MIGA1: variants seen among roughly 807,000 people sequenced by gnomAD.
MIGA1 encodes family with sequence similarity 73, member A.
A neutral mutation model predicts 82.0 loss-of-function variants in MIGA1; 58 were observed. The ratio of observed to expected loss-of-function variants is 0.71; its 90% CI spans 0.57 to 0.88. The LOEUF (loss-of-function observed/expected upper bound fraction) is 0.88, where lower values mean the gene tolerates loss of function less well. Among genes scored for constraint, MIGA1 ranks in the 40% least tolerant of loss-of-function variants. The pLI is 0.00. For missense variants in MIGA1, 751 were observed against 749.1 expected, an observed-to-expected ratio of 1.00 and a Z score of -0.03; for synonymous variants, 249 against 253.6, an observed-to-expected ratio of 0.98 and a Z score of 0.17.
At chr1:77,845,947 CT>C (rs374614188) in intron 8 of MIGA1, among the ~76,000 whole-genome samples, 885 of 128,428 alleles carry the variant, frequency 6.9e-3, no homozygotes, top group Middle Eastern at 9.1e-3. Context: ...GGATGAAAAG[CT>C]TTTTTTTTTT....
intron 9 of MIGA1, 125 bp from the exon 10 acceptor site, chr1:77,859,189 C>A: frequency 1.0e-6 from 1 of 980,782 alleles, no homozygotes. Context: ...TTTACATGTT[C>A]TGTCAGTATT....
At chr1:77,805,290 C>G (rs528497906) in intron 4 of MIGA1, among the ~76,000 whole-genome samples, 151 of 151,084 alleles carry the variant, frequency 1.0e-3, no homozygotes, top group Admixed American at 9.9e-3. Context: ...CCACCACACC[C>G]GGTCCCTTGC....
At chr1:77,821,420 C>T (rs1341750867) in intron 7 of MIGA1, among the ~76,000 whole-genome samples, 72 of 131,238 alleles carry the variant, frequency 5.5e-4, no homozygotes, top group African/African-American at 1.9e-3. Flanking sequence ...GATGGAATTT[C>T]GCTCTTGTTG....
intron 1 of MIGA1, chr1:77,780,136 C>G: frequency 2.0e-6 from 2 of 994,824 alleles, no homozygotes; most frequent in Non-Finnish European, 2.4e-6. Flanking sequence ...AAAAGGAAGA[C>G]AGCAGAGGAG....
intron 5 of MIGA1, among the ~76,000 whole-genome samples, chr1:77,812,207 G>A (rs372912567): frequency 6.6e-6 from 1 of 152,184 alleles, no homozygotes; most frequent in African/African-American, 2.4e-5. Context: ...GGTGGCTCAC[G>A]CCTGTAATCC....
intron 6 of MIGA1, among the ~76,000 whole-genome samples, chr1:77,814,781 T>C (rs114964684): frequency 4.1e-3 from 625 of 152,220 alleles, no homozygotes; most frequent in Non-Finnish European, 7.0e-3. Context: ...AGGACTGGGG[T>C]GGATCCTAAG....
intron 7 of MIGA1, among the ~76,000 whole-genome samples, chr1:77,815,557 C>T (rs1435615753): frequency 1.3e-5 from 2 of 152,024 alleles, no homozygotes; most frequent in Non-Finnish European, 2.9e-5. Flanking sequence ...CTCAGCACTT[C>T]AGAAATATGC....
intron 7 of MIGA1, among the ~76,000 whole-genome samples, chr1:77,829,463 C>G (rs1279917324): frequency 6.6e-6 from 1 of 151,944 alleles, no homozygotes; most frequent in Non-Finnish European, 1.5e-5. Flanking sequence ...AAAAAATCTT[C>G]TAGAAGTTTT....
intron 14 of MIGA1, among the ~76,000 whole-genome samples, chr1:77,870,802 C>T (rs1685946414): frequency 6.6e-6 from 1 of 151,048 alleles, no homozygotes; most frequent in African/African-American, 2.4e-5. Context: ...CCATTGAGCA[C>T]TGAGTGAACG....
intron 7 of MIGA1, among the ~76,000 whole-genome samples, chr1:77,821,553 GC>G (rs1366134148): frequency 8.6e-5 from 13 of 152,012 alleles, no homozygotes; most frequent in African/African-American, 2.9e-4. Context: ...GCACCACCAT[GC>G]CTGGCTAATT....
intron 8 of MIGA1, chr1:77,848,310 A>G: frequency 7.7e-7 from 1 of 1,302,912 alleles, no homozygotes; most frequent in Non-Finnish European, 1.1e-6. Context: ...AGAGAACAAG[A>G]AAGAGAGACA....
intron 14 of MIGA1, among the ~76,000 whole-genome samples, chr1:77,869,158 T>C (rs1415443283): frequency 6.8e-6 from 1 of 147,672 alleles, no homozygotes; most frequent in Admixed American, 6.8e-5. Flanking sequence ...ACGAGCATGC[T>C]GCCTTCAAGC....
chr1:77,861,259 G>C lies in MIGA1; in HGVS notation c.1311G>C (p.Met437Ile). The C allele has an allele frequency of 6.2e-7, 1 of 1,613,274 alleles. No individual in the cohort carries two copies. The highest frequency in any genetic ancestry group is 8.5e-7 in the Non-Finnish European group (1 of 1,179,512). The change falls in exon 12 of 16, where the codon ATG (methionine) becomes ATC (isoleucine). Residue 437 changes from methionine (M) to isoleucine (I), a missense_variant. By Grantham distance (10) the Met-to-Ile change is conservative. Around this residue, in one of 3 missense-constraint regions of MIGA1, gnomAD observed 265 missense variants for 293.6 expected, o/e 0.90. Transcript: ENST00000370791. ...AGTTTGAAGATGTTTTTGATGAAAT[G>C]ATCTATTTTTTAGAGCAGACCGATC...
rs750001087 is a variant in MIGA1 at position 77,859,311 on chromosome 1, T to G, written c.1116-3T>G. ...ACAATTGTCTCCCCTGTTTATTACA[T>G]AGAACTGAAATGTTGGAGTGCCTAG... On this transcript the variant is annotated splice_polypyrimidine_tract_variant and splice_region_variant and intron_variant, in intron 9 of 15. Transcript: ENST00000370791. 1.2e-6 allele frequency: 2 copies of G among 1,609,256 alleles called. No homozygotes were observed. The highest frequency in any genetic ancestry group is 2.7e-5 in the African/African-American group (2 of 74,834).
intron 2 of MIGA1, among the ~76,000 whole-genome samples, chr1:77,794,200 C>T (rs1264429997): frequency 6.6e-6 from 1 of 152,146 alleles, no homozygotes; most frequent in Admixed American, 6.5e-5. Flanking sequence ...TGTTATAACT[C>T]TAATACAACT....
chr1:77,797,657 C>G (rs893572386), intron 2 of MIGA1, among the ~76,000 whole-genome samples: 4 of 152,006 alleles, frequency 2.6e-5, no homozygotes, highest in African/African-American at 9.7e-5. Context: ...TCATTGTTAC[C>G]TAGCACAGAT....
At chr1:77,824,295 T>C (rs866491456) in intron 7 of MIGA1, among the ~76,000 whole-genome samples, 3 of 152,212 alleles carry the variant, frequency 2.0e-5, no homozygotes, top group Non-Finnish European at 2.9e-5. Flanking sequence ...TGGTAGCTCA[T>C]GCCTGTCTGT....
At chr1:77,815,936 C>G (rs1318966522) in intron 7 of MIGA1, among the ~76,000 whole-genome samples, 1 of 150,878 alleles carries the variant, frequency 6.6e-6, no homozygotes, top group Non-Finnish European at 1.5e-5. Context: ...TGAGGTTTTT[C>G]TTTTTTTCTT....
intron 2 of MIGA1, among the ~76,000 whole-genome samples, chr1:77,787,241 G>A (rs922545307): frequency 6.6e-6 from 1 of 152,148 alleles, no homozygotes; most frequent in Non-Finnish European, 1.5e-5. Flanking sequence ...TGAGATTTGG[G>A]TGGGGACACA....
Sources: allele counts gnomAD v4.1 joint callset (sites outside exome capture counted in the v4.1 genomes callset), GRCh38; gene constraint gnomAD v4.1.1; regional missense constraint gnomAD v4.1.1; transcripts MANE v1.5; gene names NCBI Gene and HGNC (gene_info 2026-07-23, HGNC 2026-07-21).